Variants in RPS6KC1 observed in about 807,000 individuals in gnomAD.
The protein encoded by RPS6KC1 is inactive ribosomal protein S6 kinase delta-1.
A neutral mutation model predicts 103.8 loss-of-function variants in RPS6KC1; 54 were observed. The ratio of observed to expected loss-of-function variants is 0.52; its 90% CI spans 0.42 to 0.65. The LOEUF is 0.65. RPS6KC1 is among the 30% of genes least tolerant of loss of function. The pLI, the probability that RPS6KC1 is intolerant of heterozygous loss-of-function variation, is 0.00. For missense variants in RPS6KC1, 1,151 were observed against 1,253.8 expected (o/e 0.92, Z 1.24); for synonymous variants, 439 against 438.7 (o/e 1.00, Z -0.01).
intron 7 of RPS6KC1, among the ~76,000 whole-genome samples, chr1:213,173,513 A>G (rs1033489440): frequency 1.3e-5 from 2 of 152,098 alleles, no homozygotes; most frequent in Non-Finnish European, 2.9e-5. Flanking sequence ...ATATAATTTT[A>G]TTTTCCTCTG....
At chr1:213,439,433 T>C in the RPS6KC1 span, among the ~76,000 whole-genome samples, 1 of 152,030 alleles carries the variant, frequency 6.6e-6, no homozygotes, top group East Asian at 1.9e-4. Flanking sequence ...TTGGTAGAAC[T>C]AAGAAGTATT....
chr1:213,567,194 C>G, the RPS6KC1 span, among the ~76,000 whole-genome samples: 1 of 152,150 alleles, frequency 6.6e-6, no homozygotes, highest in African/African-American at 2.4e-5. Context: ...TCAGAGGAGA[C>G]TATTTTTTTC....
chr1:213,187,250 CTTT>C (rs758725965), intron 8 of RPS6KC1, among the ~76,000 whole-genome samples: 9 of 135,078 alleles, frequency 6.7e-5, no homozygotes, highest in Admixed American at 1.5e-4. Context: ...TCTTCTTCTT[CTTT>C]TTTTTTTTTT....
the RPS6KC1 span, among the ~76,000 whole-genome samples, chr1:213,399,268 G>A: frequency 2.0e-5 from 3 of 152,280 alleles, no homozygotes; most frequent in South Asian, 4.1e-4. Context: ...ATTACAATAC[G>A]TGTAATAAAG....
At chr1:213,593,320 T>C in the RPS6KC1 span, among the ~76,000 whole-genome samples, 3 of 152,116 alleles carry the variant, frequency 2.0e-5, no homozygotes, top group African/African-American at 7.2e-5. Context: ...ATAAGGTCAC[T>C]GGCTGCTTGC....
the RPS6KC1 span, among the ~76,000 whole-genome samples, chr1:213,554,616 CCTT>C: frequency 6.6e-6 from 1 of 152,188 alleles, no homozygotes; most frequent in African/African-American, 2.4e-5. Context: ...TCAGCAACCA[CCTT>C]TTTTCTATCT....
rs12087445 is a variant in RPS6KC1 at position 213,085,030 on chromosome 1, C to T, written c.262+7214C>T. Among the ~76,000 whole-genome samples, 1,066 of 152,264 alleles carry T rather than the reference C, an allele frequency of 7.0e-3. 14 individuals are homozygous for T. Among genetic ancestry groups the T allele is most frequent in the African/African-American group, 0.024 (1,010 of 41,542 alleles). On this transcript the variant is annotated intron_variant, in intron 3 of 14. Transcript: ENST00000366960. Reference sequence around the variant, plus strand: ...TAACAGATTACCATACACTTGGTGGCGTAAAACAATGGAAATTTATTTTCT... The same window carrying T: ...TAACAGATTACCATACACTTGGTGGTGTAAAACAATGGAAATTTATTTTCT...
intron 12 of RPS6KC1, among the ~76,000 whole-genome samples, chr1:213,258,819 G>A (rs997839080): frequency 1.3e-5 from 2 of 152,150 alleles, no homozygotes; most frequent in East Asian, 3.8e-4. Context: ...AAGTCTAAGA[G>A]TACACTTCCA....
the RPS6KC1 span, among the ~76,000 whole-genome samples, chr1:213,411,938 G>A: frequency 6.6e-6 from 1 of 152,150 alleles, no homozygotes. Context: ...TTGGTGAGTT[G>A]GTTATGCTGC....
At chr1:213,478,202 T>C in the RPS6KC1 span, among the ~76,000 whole-genome samples, 1 of 152,204 alleles carries the variant, frequency 6.6e-6, no homozygotes, top group Non-Finnish European at 1.5e-5. Context: ...AGCTCATTTC[T>C]TTTTAGTGCT....
the RPS6KC1 span, among the ~76,000 whole-genome samples, chr1:213,537,813 C>T: frequency 6.6e-6 from 1 of 152,140 alleles, no homozygotes; most frequent in Non-Finnish European, 1.5e-5. Context: ...GTTCTGACTG[C>T]TTGAGATGTT....
chr1:213,800,668 C>T, the RPS6KC1 span, among the ~76,000 whole-genome samples: 10 of 152,284 alleles, frequency 6.6e-5, no homozygotes, highest in South Asian at 2.1e-4. Flanking sequence ...AGAAGATCCA[C>T]GAGTCTAGAA....
At chr1:213,395,757 GC>G in the RPS6KC1 span, among the ~76,000 whole-genome samples, 2 of 152,230 alleles carry the variant, frequency 1.3e-5, no homozygotes, top group African/African-American at 4.8e-5. Context: ...ATCCAGAAAA[GC>G]CCTGGAAAAG....
chr1:213,230,407 G>T lies in RPS6KC1; in HGVS notation c.1045-90G>T, dbSNP rs1205278217. On this transcript the variant is annotated intron_variant, in intron 8 of 14. Coordinates refer to ENST00000366960, the MANE Select transcript of RPS6KC1 (RefSeq NM_012424.6). ...ATTTTGGGGAGGGGATTAAATTTCA[G>T]CCCTGCCCTACTCTTAAAGTTTAGT... 2.3e-5 allele frequency: 21 copies of T among 895,358 alleles called. No individual in the cohort carries two copies. The Admixed American group carries it at 5.7e-4, about 24-fold the overall frequency. The allele number at this position is 895,358 out of a possible 1,614,324, so 55.5% of individuals were successfully genotyped here. A position where few individuals can be genotyped will look rare whatever the true frequency, so the allele number is the denominator to read the frequency against.
At chr1:213,302,656 C>T in the RPS6KC1 span, among the ~76,000 whole-genome samples, 1 of 152,096 alleles carries the variant, frequency 6.6e-6, no homozygotes, top group Non-Finnish European at 1.5e-5. Flanking sequence ...CTGTGCCCAC[C>T]GATCTGTGGC....
intron 8 of RPS6KC1, among the ~76,000 whole-genome samples, chr1:213,198,297 T>C (rs61834141): frequency 0.033 from 5,081 of 152,348 alleles, 112 homozygotes; most frequent in Middle Eastern, 0.054. Flanking sequence ...TTCTGGCTAA[T>C]AGAATTTCTG....
At chr1:213,119,383 G>T (rs1041365910) in intron 5 of RPS6KC1, among the ~76,000 whole-genome samples, 9 of 138,222 alleles carry the variant, frequency 6.5e-5, no homozygotes, top group African/African-American at 1.9e-4. Flanking sequence ...GGGGGTGGAG[G>T]TTGCAGTGAG....
At chr1:213,731,827 G>A in the RPS6KC1 span, among the ~76,000 whole-genome samples, 1 of 152,124 alleles carries the variant, frequency 6.6e-6, no homozygotes, top group East Asian at 1.9e-4. Context: ...TCCAACAGTA[G>A]CAACTGATTA....
chr1:213,644,460 TC>T, the RPS6KC1 span, among the ~76,000 whole-genome samples: 10 of 152,090 alleles, frequency 6.6e-5, no homozygotes, highest in Non-Finnish European at 1.5e-4. Flanking sequence ...ATGACACATA[TC>T]CACGAGTACA....
Sources: allele counts gnomAD v4.1 joint callset (sites outside exome capture counted in the v4.1 genomes callset), GRCh38; gene constraint gnomAD v4.1.1; transcripts MANE v1.5; gene names NCBI Gene and HGNC (gene_info 2026-07-23, HGNC 2026-07-21).